Variants in NAALADL2 observed in about 807,000 individuals in gnomAD.
The protein encoded by NAALADL2 is inactive N-acetylated-alpha-linked acidic dipeptidase-like protein 2.
In NAALADL2, 76 loss-of-function variants were observed where a neutral mutation model predicts 87.2. The ratio of observed to expected loss-of-function variants is 0.87; its 90% confidence interval spans 0.72 to 1.05. The LOEUF is 1.05. NAALADL2 is among the 50% of genes least tolerant of loss of function. The pLI is 0.00. For missense variants in NAALADL2, 1,089 were observed against 945.8 expected (o/e 1.15, Z -1.99); for synonymous variants, 354 against 331.0 (o/e 1.07, Z -0.75).
At chr3:175,225,575 A>G (rs1274729102) in intron 2 of NAALADL2, among the ~76,000 whole-genome samples, 2 of 152,128 alleles carry the variant, frequency 1.3e-5, no homozygotes, top group Non-Finnish European at 2.9e-5. Context: ...GAAGTGTGGT[A>G]AAGTAAATAT....
chr3:175,256,948 G>T (rs1210408067), intron 4 of NAALADL2: 1 of 152,268 alleles, frequency 6.6e-6, no homozygotes, highest in East Asian at 1.9e-4. Flanking sequence ...TGTTAGACAA[G>T]TATCTAGATG....
chr3:175,423,052 T>TATATATATATATATA (rs1491115866), intron 5 of NAALADL2, among the ~76,000 whole-genome samples: 25 of 98,420 alleles, frequency 2.5e-4, no homozygotes, highest in African/African-American at 9.9e-4. Context: ...TATATATATA[T>TATATATATATATATA]TTTTTTTTTT....
chr3:174,604,791 T>G (rs749324543), intron 2 of NAALADL2, among the ~76,000 whole-genome samples: 1 of 151,350 alleles, frequency 6.6e-6, no homozygotes, highest in Non-Finnish European at 1.5e-5. Flanking sequence ...TTTTTTGAGA[T>G]GGAATCTCAC....
At chr3:175,731,448 A>C (rs1301631307) in intron 11 of NAALADL2, among the ~76,000 whole-genome samples, 1 of 152,106 alleles carries the variant, frequency 6.6e-6, no homozygotes, top group Non-Finnish European at 1.5e-5. Context: ...TTCCCCATCT[A>C]CCTGTCTCTT....
intron 2 of NAALADL2, among the ~76,000 whole-genome samples, chr3:174,557,266 C>T (rs1712948686): frequency 6.6e-6 from 1 of 152,098 alleles, no homozygotes; most frequent in Non-Finnish European, 1.5e-5. Flanking sequence ...GCCACAAAAA[C>T]CTTGACTTAA....
chr3:174,527,235 T>A (rs190238505), intron 1 of NAALADL2, among the ~76,000 whole-genome samples: 3 of 152,028 alleles, frequency 2.0e-5, no homozygotes, highest in Non-Finnish European at 2.9e-5. Flanking sequence ...GAAAAGAAGG[T>A]CTTGGCTGGG....
At chr3:175,507,913 T>G (rs1730578261) in intron 9 of NAALADL2, among the ~76,000 whole-genome samples, 1 of 152,192 alleles carries the variant, frequency 6.6e-6, no homozygotes, top group Admixed American at 6.5e-5. Context: ...AAGAAATACC[T>G]GAGACTGGGT....
At chr3:174,985,508 C>G (rs918003009) in intron 1 of NAALADL2, among the ~76,000 whole-genome samples, 2 of 152,098 alleles carry the variant, frequency 1.3e-5, no homozygotes, top group Admixed American at 6.6e-5. Context: ...CAAAATGTGA[C>G]CTTAAAATTT....
At chr3:174,687,610 CAATAA>C (rs1728168492) in intron 2 of NAALADL2, among the ~76,000 whole-genome samples, 1 of 152,022 alleles carries the variant, frequency 6.6e-6, no homozygotes, top group African/African-American at 2.4e-5. Context: ...TCGACAAGTG[CAATAA>C]AATAATTAGG....
At chr3:175,375,225 C>A (rs1767001785) in intron 5 of NAALADL2, among the ~76,000 whole-genome samples, 1 of 152,054 alleles carries the variant, frequency 6.6e-6, no homozygotes, top group South Asian at 2.1e-4. Flanking sequence ...TGCTAGTATT[C>A]TTAATTTTTT....
chr3:175,256,122 A>G (rs1178777235), intron 3 of NAALADL2, among the ~76,000 whole-genome samples: 1 of 152,220 alleles, frequency 6.6e-6, no homozygotes, highest in African/African-American at 2.4e-5. Flanking sequence ...TGAATGTAGA[A>G]TATCCCAAAT....
chr3:175,409,101 A>G (rs1471380466), intron 5 of NAALADL2, among the ~76,000 whole-genome samples: 29 of 152,002 alleles, frequency 1.9e-4, no homozygotes, highest in Admixed American at 1.8e-3. Context: ...TTTTTTACAC[A>G]TGGAGATTTT....
At chr3:175,120,300 A>G (rs916027203) in intron 2 of NAALADL2, among the ~76,000 whole-genome samples, 13 of 151,776 alleles carry the variant, frequency 8.6e-5, no homozygotes, top group African/African-American at 2.9e-4. Flanking sequence ...CCCCTGTTTA[A>G]TGTGCTATGT....
intron 11 of NAALADL2, among the ~76,000 whole-genome samples, chr3:175,665,698 C>T (rs564432879): frequency 1.3e-5 from 2 of 152,156 alleles, no homozygotes; most frequent in Admixed American, 1.3e-4. Context: ...TTTGAGGGGC[C>T]GAGGTGGGCA....
intron 1 of NAALADL2, among the ~76,000 whole-genome samples, chr3:174,933,684 G>T (rs181377843): frequency 2.6e-5 from 4 of 152,158 alleles, no homozygotes; most frequent in Non-Finnish European, 5.9e-5. Flanking sequence ...TTTGCTGTAT[G>T]AGCTAGAATA....
Position 175,349,964 on chromosome 3 carries a change from G to A in NAALADL2, c.1090+25639G>A, listed in dbSNP as rs540357517. Reference sequence around the variant, plus strand: ...AGACATGACTGTCATTAATCCCATGGGTCTTCTTCTATGTTTGTGACTCCT... The same window carrying A: ...AGACATGACTGTCATTAATCCCATGAGTCTTCTTCTATGTTTGTGACTCCT... On this transcript the variant is annotated intron_variant, in intron 5 of 13. Transcript: ENST00000454872. Among the ~76,000 whole-genome samples the A allele has an allele frequency of 3.9e-3, 582 of 148,592 alleles. 6 individuals carry two copies. The highest frequency in any genetic ancestry group is 0.014 in the African/African-American group (554 of 40,856).
At chr3:174,709,644 A>G (rs1415529288) in intron 2 of NAALADL2, among the ~76,000 whole-genome samples, 3 of 152,140 alleles carry the variant, frequency 2.0e-5, no homozygotes, top group Non-Finnish European at 4.4e-5. Context: ...CAGAGGAATA[A>G]AAAAATGTTT....
intron 1 of NAALADL2, among the ~76,000 whole-genome samples, chr3:174,487,415 A>G (rs1717921030): frequency 6.6e-6 from 1 of 152,088 alleles, no homozygotes; most frequent in Admixed American, 6.6e-5. Context: ...ATTCAGAGAA[A>G]AGTAATACTT....
intron 2 of NAALADL2, among the ~76,000 whole-genome samples, chr3:174,633,518 A>G (rs1305644019): frequency 6.6e-6 from 1 of 152,210 alleles, no homozygotes; most frequent in Non-Finnish European, 1.5e-5. Context: ...GTAGTGTATG[A>G]GGCAATAAAT....
Sources: gnomAD v4.1 joint callset for allele counts (sites outside exome capture counted in the v4.1 genomes callset) on GRCh38, gnomAD v4.1.1 for gene constraint, MANE v1.5 for transcripts, NCBI Gene and HGNC (gene_info 2026-07-23, HGNC 2026-07-21) for gene names.